Variants in ANKFN1 observed in about 807,000 individuals in gnomAD.
ANKFN1 encodes ankyrin repeat and fibronectin type III domain containing 1.
In ANKFN1, 74 loss-of-function variants were observed where a neutral mutation model predicts 108.7. The observed-to-expected ratio is 0.68, with a 90% CI of 0.56 to 0.83. The LOEUF is 0.83. ANKFN1 is among the 40% of genes least tolerant of loss of function. The probability of loss-of-function intolerance (pLI) is 0.00; values close to 1 mark genes in which losing one functional copy is unlikely to be tolerated. For synonymous variants in ANKFN1, 547 were observed against 516.2 expected (o/e 1.06, Z -0.81); for missense variants, 1,505 against 1,382.3 (o/e 1.09, Z -1.41).
At chr17:56,174,841 C>T (rs1910993533) in intron 1 of ANKFN1, among the ~76,000 whole-genome samples, 1 of 152,188 alleles carries the variant, frequency 6.6e-6, no homozygotes, top group Admixed American at 6.5e-5. Context: ...GAAAGCCAAG[C>T]TTAACCCTGG....
At position 56,508,044 on chromosome 17, in the gene ANKFN1, A is replaced by G. The variant is rs181045328; in HGVS notation, c.2645-2429A>G. On this transcript the variant is annotated intron_variant, in intron 20 of 20. Transcript: ENST00000682825. The stretch of plus-strand genomic sequence containing the variant: ...AGCACAAAATAACTGTTCCATAAAC[A>G]TCTTTCAATGAATGACTTTCCTGGA... 1.4e-4 allele frequency among the ~76,000 whole-genome samples: 22 copies of G among 152,392 alleles called. 1 individual carries two copies. The East Asian group carries it at 4.2e-3, about 29-fold the overall frequency.
intron 4 of ANKFN1, among the ~76,000 whole-genome samples, chr17:56,047,708 A>G (rs1016706356): frequency 2.0e-5 from 3 of 152,138 alleles, no homozygotes; most frequent in Non-Finnish European, 4.4e-5. Flanking sequence ...AAACGGAGAA[A>G]GCTGTTCAAA....
chr17:56,199,296 T>C (rs955987056), intron 1 of ANKFN1, among the ~76,000 whole-genome samples: 1 of 151,682 alleles, frequency 6.6e-6, no homozygotes, highest in South Asian at 2.1e-4. Context: ...ACACAGACTT[T>C]TAAATGTTTA....
chr17:56,075,030 A>C (rs1427965869), intron 4 of ANKFN1, among the ~76,000 whole-genome samples: 1 of 152,246 alleles, frequency 6.6e-6, no homozygotes, highest in Non-Finnish European at 1.5e-5. Context: ...GAAGAGGTCC[A>C]GATTAAAAAT....
At chr17:56,494,268 A>G (rs900458943) in intron 19 of ANKFN1, among the ~76,000 whole-genome samples, 1 of 152,202 alleles carries the variant, frequency 6.6e-6, no homozygotes, top group African/African-American at 2.4e-5. Context: ...TACTTTCTCC[A>G]TTGGTCTGAG....
Position 56,350,827 on chromosome 17 carries a change from C to G in ANKFN1, c.250C>G (p.His84Asp). 6.2e-7 allele frequency: 1 copy of G among 1,613,794 alleles called. No homozygotes were observed. The highest frequency in any genetic ancestry group is 8.5e-7 in the Non-Finnish European group (1 of 1,179,862). Residue 84 changes from histidine to aspartate, a missense_variant, in exon 5 of 21, where the codon CAT (histidine) becomes GAT (aspartate). By Grantham distance (81) the His-to-Asp change is moderately conservative. Transcript: ENST00000682825. Reference protein sequence around the residue: ...QNLHLCQSKKHSAPSSPNAAK... With the variant: ...QNLHLCQSKKDSAPSSPNAAK... The stretch of plus-strand genomic sequence containing the variant: ...TTTACATCTCTGTCAGTCAAAAAAA[C>G]ATAGTGCTCCCTCATCTCCCAACGC...
chr17:56,497,352 A>C (rs1411787688), intron 19 of ANKFN1, among the ~76,000 whole-genome samples: 1 of 152,290 alleles, frequency 6.6e-6, no homozygotes, highest in Admixed American at 6.5e-5. Context: ...TCATGCTTTC[A>C]TCACTGGCCC....
intron 19 of ANKFN1, among the ~76,000 whole-genome samples, chr17:56,498,521 C>G (rs1027140375): frequency 1.7e-4 from 26 of 152,198 alleles, no homozygotes; most frequent in African/African-American, 5.8e-4. Context: ...TCCCAGCAAC[C>G]CTGGGAGGTA....
rs3086033 is a variant in ANKFN1 at position 56,280,008 on chromosome 17, C to CTTTTTTTTTTT, written c.54-46207_54-46197dup. ...TTTCAGGTTGGGAGCCACATAATGT[C>CTTTTTTTTTTT]TTTTTTTTTTTTTTTTCTCAAGACG... is the stretch of plus-strand genomic sequence containing the variant. On this transcript the variant is annotated intron_variant, in intron 3 of 20. Transcript: ENST00000682825. 9.3e-4 allele frequency among the ~76,000 whole-genome samples: 125 copies of CTTTTTTTTTTT among 134,820 alleles called. 2 individuals are homozygous for CTTTTTTTTTTT. Among genetic ancestry groups the CTTTTTTTTTTT allele is most frequent in the African/African-American group, 3.1e-3 (107 of 34,046 alleles). 88.4% of individuals were successfully genotyped at this position (134,820 alleles called of 152,430 possible).
chr17:56,511,025 T>C lies in ANKFN1; in HGVS notation c.3197T>C (p.Leu1066Pro). ...CTTGATGATCCCAGGGGCCTAACTC[T>C]GGCCCACGCTGCCAGCCTTCCTGAG... is the stretch of plus-strand genomic sequence containing the variant. Reference protein sequence around the residue: ...PALDDPRGLTLAHAASLPEER... With the variant: ...PALDDPRGLTPAHAASLPEER... The change falls in exon 21 of 21, where the codon CTG becomes CCG. Residue 1066 changes from leucine to proline, a missense_variant. By Grantham distance (98) the Leu-to-Pro change is moderately conservative (BLOSUM62 -3). Transcript: ENST00000682825. 2.6e-6 allele frequency: 4 copies of C among 1,535,994 alleles called. No individual in the cohort carries two copies. The highest frequency in any genetic ancestry group is 3.5e-6 in the Non-Finnish European group (4 of 1,146,874).
At chr17:56,193,647 A>G (rs1913224367) in intron 1 of ANKFN1, among the ~76,000 whole-genome samples, 1 of 152,042 alleles carries the variant, frequency 6.6e-6, no homozygotes, top group African/African-American at 2.4e-5. Context: ...AAGATGGATC[A>G]CAGACCCAAA....
chr17:56,452,422 A>G lies in ANKFN1; in HGVS notation c.1207+3236A>G, dbSNP rs562842982. On this transcript the variant is annotated intron_variant, in intron 11 of 20. Coordinates refer to ENST00000682825, the MANE Select transcript of ANKFN1 (RefSeq NM_001370326.1). Reference sequence around the variant, plus strand: ...GTCAAGGTGAACCTTACTATGTTACAGTAACCAAATGATTCCCCAAACCTT... The same window carrying G: ...GTCAAGGTGAACCTTACTATGTTACGGTAACCAAATGATTCCCCAAACCTT... Among the ~76,000 whole-genome samples the G allele has an allele frequency of 1.4e-3, 208 of 152,332 alleles. 1 individual carries two copies. Among genetic ancestry groups the G allele is most frequent in the Admixed American group, 0.014 (207 of 15,294 alleles).
At chr17:56,379,729 G>A (rs930985109) in intron 8 of ANKFN1, among the ~76,000 whole-genome samples, 50 of 152,116 alleles carry the variant, frequency 3.3e-4, no homozygotes, top group African/African-American at 1.2e-3. Context: ...ATTGATGGAT[G>A]TTGGTTGTTT....
intron 2 of ANKFN1, among the ~76,000 whole-genome samples, 170 bp from the exon 3 acceptor site, chr17:56,227,747 C>T (rs1437999675): frequency 1.3e-5 from 2 of 151,962 alleles, no homozygotes; most frequent in Admixed American, 6.6e-5. Context: ...TTCTGGGCTA[C>T]AGCCTCCTGT....
intron 18 of ANKFN1, among the ~76,000 whole-genome samples, chr17:56,490,807 C>A (rs2051012562): frequency 6.6e-6 from 1 of 151,966 alleles, no homozygotes; most frequent in Non-Finnish European, 1.5e-5. Flanking sequence ...AGAAAAACCT[C>A]CTTGAAATGA....
chr17:56,312,759 G>C (rs1446310688), intron 3 of ANKFN1, among the ~76,000 whole-genome samples: 1 of 152,208 alleles, frequency 6.6e-6, no homozygotes, highest in Admixed American at 6.5e-5. Context: ...TAGTGAATAA[G>C]GGATGGATTC....
At position 56,457,324 on chromosome 17, in the gene ANKFN1, C is replaced by G; in HGVS notation, c.1375C>G (p.Pro459Ala). Reference sequence around the variant, plus strand: ...CTTAGTCACCAATGAAGATCAAGTACCAATTGTTGAAATAGATGACTCTCA... The same window carrying G: ...CTTAGTCACCAATGAAGATCAAGTAGCAATTGTTGAAATAGATGACTCTCA... ...NILVTNEDQV[P>A]IVEIDDSHTS... is the part of the protein sequence containing the mutation. The change falls in exon 13 of 21, where the codon CCA (proline) becomes GCA (alanine). Residue 459 changes from proline to alanine, a missense_variant. Transcript: ENST00000682825. 6.2e-7 allele frequency: 1 copy of G among 1,607,414 alleles called. No homozygotes were observed. Among genetic ancestry groups the G allele is most frequent in the Non-Finnish European group, 8.5e-7 (1 of 1,176,136 alleles).
intron 2 of ANKFN1, among the ~76,000 whole-genome samples, chr17:56,216,348 G>A (rs926286941): frequency 2.6e-5 from 4 of 152,244 alleles, no homozygotes; most frequent in South Asian, 2.1e-4. Context: ...AGTAGCCTAC[G>A]AGACATGAAA....
intron 8 of ANKFN1, among the ~76,000 whole-genome samples, chr17:56,387,749 T>C (rs1369638033): frequency 2.6e-5 from 4 of 152,218 alleles, no homozygotes; most frequent in African/African-American, 4.8e-5. Flanking sequence ...TCTTGTTTCA[T>C]GCAGTTTGAC....
Sources: gnomAD v4.1 joint callset for allele counts (sites outside exome capture counted in the v4.1 genomes callset) on GRCh38, gnomAD v4.1.1 for gene constraint, MANE v1.5 for transcripts, NCBI Gene and HGNC (gene_info 2026-07-23, HGNC 2026-07-21) for gene names.